Variants in EGFLAM observed in about 807,000 individuals in gnomAD.
EGFLAM encodes pikachurin.
In EGFLAM, 79 loss-of-function variants were observed where a neutral mutation model predicts 113.1. That is an observed-to-expected ratio of 0.70 (90% confidence interval 0.58 to 0.84). The LOEUF is 0.84. Ranked by LOEUF, EGFLAM falls within the 40% of genes least tolerant of loss-of-function variation. The pLI is 0.00. For synonymous variants in EGFLAM, 504 were observed against 487.6 expected, an observed-to-expected ratio of 1.03 and a Z score of -0.44; for missense variants, 1,265 against 1,291.6, an observed-to-expected ratio of 0.98 and a Z score of 0.32.
chr5:38,407,879 G>T lies in EGFLAM; in HGVS notation c.1222G>T (p.Ala408Ser), dbSNP rs144280109. ...TGAACCTCTGAAGAATTCTTATCAG[G>T]CATTTCAAATTACTCTTGAATTTAG... ...TFEPLKNSYQAFQITLEFRAE... is the reference protein window; with the variant it reads ...TFEPLKNSYQSFQITLEFRAE... The change falls in exon 9 of 22, where the codon GCA becomes TCA. Residue 408 changes from alanine (A) to serine (S), a missense_variant. Coordinates refer to ENST00000322350, the MANE Select transcript of EGFLAM (RefSeq NM_152403.4). 3.9e-4 allele frequency: 622 copies of T among 1,613,254 alleles called. 2 individuals are homozygous for T. The Middle Eastern group carries it at 0.011, about 28-fold the overall frequency.
intron 18 of EGFLAM, 140 bp from the exon 19 acceptor site, chr5:38,451,175 C>G: frequency 8.7e-7 from 1 of 1,149,498 alleles, no homozygotes; most frequent in African/African-American, 1.5e-5. Flanking sequence ...CGTGGTGCGA[C>G]TCGTGGTAAT....
intron 6 of EGFLAM, among the ~76,000 whole-genome samples, chr5:38,389,179 G>A (rs368755578): frequency 3.9e-5 from 6 of 152,132 alleles, no homozygotes; most frequent in African/African-American, 1.4e-4. Flanking sequence ...AGGGATGATC[G>A]AACTTGACAG....
intron 6 of EGFLAM, among the ~76,000 whole-genome samples, chr5:38,376,983 G>A (rs558496820): frequency 1.3e-4 from 19 of 151,936 alleles, no homozygotes; most frequent in Middle Eastern, 3.4e-3. Flanking sequence ...GGCTTCTGTG[G>A]TCTCAGCCTA....
chr5:38,298,774 C>T (rs1484172259), intron 1 of EGFLAM, among the ~76,000 whole-genome samples: 1 of 152,018 alleles, frequency 6.6e-6, no homozygotes, highest in African/African-American at 2.4e-5. Context: ...AATCATGGCT[C>T]ACTGTAGTGT....
chr5:38,433,056 G>A (rs1291496797), intron 15 of EGFLAM, among the ~76,000 whole-genome samples: 3 of 152,212 alleles, frequency 2.0e-5, no homozygotes, highest in East Asian at 3.8e-4. Context: ...GGAGTGGGAA[G>A]GCCAATGCCT....
chr5:38,378,742 C>T (rs1740430885), intron 6 of EGFLAM, among the ~76,000 whole-genome samples: 1 of 152,214 alleles, frequency 6.6e-6, no homozygotes. Flanking sequence ...GAAAACTGTC[C>T]TCTTACTACC....
rs768460354 is a variant in EGFLAM, at chr5:38,435,247, C to G, written c.2277C>G (p.Ile759Met). The G allele has an allele frequency of 6.2e-7, 1 of 1,612,674 alleles. No homozygotes were observed. The highest frequency in any genetic ancestry group is 8.5e-7 in the Non-Finnish European group (1 of 1,178,846). The change falls in exon 16 of 22, where the codon ATC becomes ATG. Residue 759 changes from isoleucine (I) to methionine (M), a missense_variant. Ile to Met is a conservative substitution (Grantham distance 10). Coordinates refer to ENST00000322350, the MANE Select transcript of EGFLAM (RefSeq NM_152403.4). ...SGVLKPFSGSIQKIILNDRTI... is the reference protein window; with the variant it reads ...SGVLKPFSGSMQKIILNDRTI... ...TCCTGAAGCCTTTCAGCGGGAGCAT[C>G]CAGAAGGTACAGGCATCTCTTCCTC...
At chr5:38,300,170 A>C (rs1296202601) in intron 1 of EGFLAM, among the ~76,000 whole-genome samples, 1 of 152,180 alleles carries the variant, frequency 6.6e-6, no homozygotes, top group African/African-American at 2.4e-5. Context: ...ATGAAGAACA[A>C]CCAGTGAAAA....
chr5:38,407,977 TG>T, intron 9 of EGFLAM, 72 bp downstream of exon 9: 1 of 1,249,176 alleles, frequency 8.0e-7, no homozygotes. Context: ...ATTCAAAGGC[TG>T]GGGGAGAGGA....
At chr5:38,373,974 G>A (rs113858320) in intron 6 of EGFLAM, among the ~76,000 whole-genome samples, 1 of 152,198 alleles carries the variant, frequency 6.6e-6, no homozygotes, top group East Asian at 1.9e-4. Context: ...ATGGTGGGAA[G>A]TGGGAGGACT....
In EGFLAM at chr5:38,445,617, G is replaced by T. The variant is rs190555309; in HGVS notation, c.2465-2684G>T. 2.3e-4 allele frequency: 372 copies of T among 1,598,416 alleles called. 2 individuals are homozygous for T. The East Asian group carries it at 6.0e-3, about 26-fold the overall frequency. ...AGTGATCTGCAACCAGAGTAATTGG[G>T]ATTTGACAAGGACTGTGAAAGGCTG... On this transcript the variant is annotated intron_variant, in intron 17 of 21. Coordinates refer to ENST00000322350, the MANE Select transcript of EGFLAM (RefSeq NM_152403.4).
At chr5:38,296,612 G>A (rs1561267607) in intron 1 of EGFLAM, among the ~76,000 whole-genome samples, 2 of 152,018 alleles carry the variant, frequency 1.3e-5, no homozygotes, top group Non-Finnish European at 2.9e-5. Flanking sequence ...GTGGGCAAAA[G>A]TTTGAGAGAA....
chr5:38,279,515 C>CA (rs1404012758), intron 1 of EGFLAM, among the ~76,000 whole-genome samples: 2 of 152,080 alleles, frequency 1.3e-5, no homozygotes, highest in Non-Finnish European at 2.9e-5. Flanking sequence ...CGCATATCCA[C>CA]AATGATATAT....
intron 13 of EGFLAM, among the ~76,000 whole-genome samples, chr5:38,425,638 C>G (rs1362780368): frequency 6.6e-6 from 1 of 152,204 alleles, no homozygotes; most frequent in Non-Finnish European, 1.5e-5. Flanking sequence ...CCTTTCAGCA[C>G]TTCTTACTGC....
chr5:38,350,416 C>T, intron 3 of EGFLAM, 85 bp from the exon 4 acceptor site: 11 of 1,317,266 alleles, frequency 8.4e-6, no homozygotes, highest in Non-Finnish European at 9.7e-6. Context: ...ACAGGGGCCT[C>T]GAGATATAAA....
chr5:38,458,874 G>C (rs985525329), intron 20 of EGFLAM, among the ~76,000 whole-genome samples: 1 of 151,840 alleles, frequency 6.6e-6, no homozygotes, highest in East Asian at 1.9e-4. Flanking sequence ...CTAACTACTC[G>C]GGAGGCTGAG....
At chr5:38,264,087 AAGACCGGTGC>A in intron 1 of EGFLAM, among the ~76,000 whole-genome samples, 1 of 152,176 alleles carries the variant, frequency 6.6e-6, no homozygotes, top group South Asian at 2.1e-4. Flanking sequence ...CCTGGGGTTA[AAGACCGGTGC>A]TCCCAGGCTT....
intron 5 of EGFLAM, among the ~76,000 whole-genome samples, chr5:38,367,200 A>G (rs1402062006): frequency 6.6e-6 from 1 of 151,148 alleles, no homozygotes; most frequent in Non-Finnish European, 1.5e-5. Context: ...AGGCTGGAGT[A>G]CATTGGTGCA....
At chr5:38,366,560 T>C (rs10214135) in intron 5 of EGFLAM, among the ~76,000 whole-genome samples, 24,865 of 152,082 alleles carry the variant, frequency 0.16, 2,146 homozygotes, top group Middle Eastern at 0.22. Flanking sequence ...AAGTGATTGT[T>C]CACTAAGATT....
Sources: allele counts gnomAD v4.1 joint callset (sites outside exome capture counted in the v4.1 genomes callset), GRCh38; gene constraint gnomAD v4.1.1; transcripts MANE v1.5; gene names NCBI Gene and HGNC (gene_info 2026-07-23, HGNC 2026-07-21).